ZFAND3: variants seen among roughly 807,000 people sequenced by gnomAD.
The protein encoded by ZFAND3 is zinc finger AN1-type containing 3, also known as AN1-type zinc finger protein 3.
ZFAND3 carries 10 observed loss-of-function variants against 29.6 expected under a neutral mutation model. The ratio of observed to expected loss-of-function variants is 0.34; its 90% confidence interval spans 0.21 to 0.57. The LOEUF (loss-of-function observed/expected upper bound fraction) is 0.57. Among genes scored for constraint, ZFAND3 ranks in the 20% least tolerant of loss-of-function variants. ZFAND3 has a pLI of 0.86. For missense variants in ZFAND3, 230 were observed against 304.5 expected, an observed-to-expected ratio of 0.76 and a Z score of 1.82; for synonymous variants, 128 against 112.6, an observed-to-expected ratio of 1.14 and a Z score of -0.87.
intron 2 of ZFAND3, among the ~76,000 whole-genome samples, chr6:37,999,227 A>G (rs917320303): frequency 1.3e-5 from 2 of 152,248 alleles, no homozygotes; most frequent in Non-Finnish European, 2.9e-5. Flanking sequence ...AAAATAAAAT[A>G]CTAACAAGTT....
intron 2 of ZFAND3, among the ~76,000 whole-genome samples, chr6:37,982,098 A>G (rs1023833779): frequency 6.6e-6 from 1 of 152,036 alleles, no homozygotes; most frequent in Non-Finnish European, 1.5e-5. Flanking sequence ...AAGCAATCAG[A>G]TGTGCGTTTG....
chr6:37,862,150 TAAA>T (rs1561914363), intron 1 of ZFAND3, among the ~76,000 whole-genome samples: 3 of 152,286 alleles, frequency 2.0e-5, no homozygotes, highest in African/African-American at 7.2e-5. Context: ...TTTTTAATGT[TAAA>T]AAATTTAATT....
intron 1 of ZFAND3, among the ~76,000 whole-genome samples, chr6:37,923,204 A>G (rs1027744527): frequency 6.6e-6 from 1 of 152,202 alleles, no homozygotes; most frequent in Non-Finnish European, 1.5e-5. Context: ...CTTCCTTCTC[A>G]GCATCCTGAG....
intron 4 of ZFAND3, among the ~76,000 whole-genome samples, chr6:38,111,730 G>C (rs1458432046): frequency 6.6e-6 from 1 of 152,098 alleles, no homozygotes; most frequent in Admixed American, 6.5e-5. Context: ...AATTGTCTGT[G>C]TGTTATCAGT....
At chr6:37,913,708 CTTTT>C (rs56045448) in intron 1 of ZFAND3, among the ~76,000 whole-genome samples, 1 of 113,030 alleles carries the variant, frequency 8.8e-6, no homozygotes, top group Admixed American at 9.4e-5. Context: ...CAGCTATATT[CTTTT>C]TTTTTTTTTT....
At chr6:38,120,206 C>T (rs1037326223) in intron 5 of ZFAND3, among the ~76,000 whole-genome samples, 2 of 151,730 alleles carry the variant, frequency 1.3e-5, no homozygotes, top group Non-Finnish European at 2.9e-5. Context: ...GAATTGACAC[C>T]TAGAGGATGT....
intron 1 of ZFAND3, among the ~76,000 whole-genome samples, chr6:37,861,640 A>G (rs1331561709): frequency 1.3e-5 from 2 of 152,208 alleles, no homozygotes; most frequent in East Asian, 1.9e-4. Flanking sequence ...ATATTATGAA[A>G]GAATTATGAA....
chr6:37,977,595 C>T (rs1762502451), intron 2 of ZFAND3, among the ~76,000 whole-genome samples: 1 of 152,078 alleles, frequency 6.6e-6, no homozygotes, highest in Admixed American at 6.6e-5. Flanking sequence ...ACATGAGCCA[C>T]TGCACCCAGC....
chr6:38,058,929 C>G (rs914493371), intron 2 of ZFAND3, among the ~76,000 whole-genome samples: 2 of 152,136 alleles, frequency 1.3e-5, no homozygotes, highest in Admixed American at 6.5e-5. Flanking sequence ...GCTATTCTTA[C>G]GCTGAGAATA....
At chr6:38,052,130 T>C (rs1026440005) in intron 2 of ZFAND3, among the ~76,000 whole-genome samples, 1 of 152,208 alleles carries the variant, frequency 6.6e-6, no homozygotes, top group Non-Finnish European at 1.5e-5. Context: ...TATATTCTCT[T>C]GTTGCCTGTT....
At chr6:38,093,705 T>C (rs1764917404) in intron 4 of ZFAND3, among the ~76,000 whole-genome samples, 4 of 152,116 alleles carry the variant, frequency 2.6e-5, no homozygotes, top group Admixed American at 2.6e-4. Flanking sequence ...GAACGAAGTT[T>C]GTGTAATGTG....
At chr6:37,832,372 C>A (rs1006682262) in intron 1 of ZFAND3, among the ~76,000 whole-genome samples, 7 of 152,140 alleles carry the variant, frequency 4.6e-5, no homozygotes, top group African/African-American at 1.7e-4. Context: ...AGTTCTTTCA[C>A]TTACAAACTC....
chr6:38,113,742 C>T (rs1298098989), intron 4 of ZFAND3, among the ~76,000 whole-genome samples: 2 of 152,182 alleles, frequency 1.3e-5, no homozygotes, highest in Non-Finnish European at 2.9e-5. Flanking sequence ...CTTATTTGGA[C>T]ATAGTTACCT....
chr6:38,029,054 G>A (rs1763500472), intron 2 of ZFAND3, among the ~76,000 whole-genome samples: 1 of 152,170 alleles, frequency 6.6e-6, no homozygotes, highest in Non-Finnish European at 1.5e-5. Context: ...AAATAAGTTA[G>A]TAGAACCCAA....
chr6:37,903,675 C>T (rs1037432325), intron 1 of ZFAND3, among the ~76,000 whole-genome samples: 4 of 152,146 alleles, frequency 2.6e-5, no homozygotes, highest in African/African-American at 7.2e-5. Context: ...TGGCAGAGCA[C>T]GCGCTCTAAT....
At chr6:37,984,701 C>T (rs1327484904) in intron 2 of ZFAND3, among the ~76,000 whole-genome samples, 1 of 152,210 alleles carries the variant, frequency 6.6e-6, no homozygotes, top group Non-Finnish European at 1.5e-5. Context: ...TACATTCCAG[C>T]ATCCAGGTGT....
intron 1 of ZFAND3, among the ~76,000 whole-genome samples, chr6:37,872,742 G>A (rs951087271): frequency 3.3e-5 from 5 of 152,196 alleles, no homozygotes; most frequent in South Asian, 2.1e-4. Flanking sequence ...ATTTCATTGT[G>A]TGAATTTACT....
intron 2 of ZFAND3, among the ~76,000 whole-genome samples, chr6:38,013,741 A>C (rs1763202673): frequency 7.6e-6 from 1 of 131,330 alleles, no homozygotes; most frequent in Admixed American, 7.5e-5. Context: ...AAAAAAACAA[A>C]AAAAACCTCC....
intron 2 of ZFAND3, among the ~76,000 whole-genome samples, chr6:37,988,599 C>T (rs1163393715): frequency 2.6e-5 from 4 of 152,192 alleles, no homozygotes; most frequent in East Asian, 1.9e-4. Context: ...TATATTGCTT[C>T]CTAAATGCTT....
Sources: gnomAD v4.1 joint callset for allele counts (sites outside exome capture counted in the v4.1 genomes callset) on GRCh38, gnomAD v4.1.1 for gene constraint, MANE v1.5 for transcripts, NCBI Gene and HGNC (gene_info 2026-07-23, HGNC 2026-07-21) for gene names.